The following GRM3 variants were observed in gnomAD, a reference collection of about 807,000 sequenced individuals.
The protein encoded by GRM3 is glutamate metabotropic receptor 3.
GRM3 carries 26 observed loss-of-function variants against 70.5 expected under a neutral mutation model. The ratio of observed to expected loss-of-function variants is 0.37; its 90% CI spans 0.27 to 0.51. GRM3 has a LOEUF of 0.51. Among genes scored for constraint, GRM3 ranks in the 20% least tolerant of loss-of-function variants. The pLI, the probability that GRM3 is intolerant of heterozygous loss-of-function variation, is 0.93. For synonymous variants in GRM3, 443 were observed against 434.9 expected (o/e 1.02, Z -0.23); for missense variants, 859 against 1,123.8 (o/e 0.76, Z 3.37).
intron 3 of GRM3, among the ~76,000 whole-genome samples, chr7:86,820,167 G>A (rs970530693): frequency 6.6e-6 from 1 of 152,136 alleles, no homozygotes; most frequent in Admixed American, 6.6e-5. Flanking sequence ...AAGGCATCTG[G>A]CTCATAGCAT....
chr7:86,785,685 A>ATTTTTTTTTTTTTTTT lies in GRM3; in HGVS notation c.469-558_469-543dup, dbSNP rs749456155. 2.3e-4 allele frequency among the ~76,000 whole-genome samples: 15 copies of ATTTTTTTTTTTTTTTT among 65,230 alleles called. 1 individual carries two copies. Among genetic ancestry groups the ATTTTTTTTTTTTTTTT allele is most frequent in the Non-Finnish European group, 3.2e-4 (11 of 34,856 alleles). 42.8% of individuals were successfully genotyped at this position (65,230 alleles called of 152,430 possible). ...TTGGGTGGTGGACTAAATAGAATTG[A>ATTTTTTTTTTTTTTTT]TTTTTTTTTTTTTTTTTTTTTTTTT... is the stretch of plus-strand genomic sequence containing the variant. On this transcript the variant is annotated intron_variant, in intron 2 of 5. Coordinates refer to ENST00000361669, the MANE Select transcript of GRM3 (RefSeq NM_000840.3).
At chr7:86,753,210 T>C (rs1271022067) in intron 1 of GRM3, among the ~76,000 whole-genome samples, 3 of 152,136 alleles carry the variant, frequency 2.0e-5, no homozygotes, top group African/African-American at 7.2e-5. Flanking sequence ...GAGTCATTGA[T>C]AAATTATCCT....
rs150769156 is a variant in GRM3 at position 86,745,054 on chromosome 7, C to A, written c.-140-19952C>A. 5.1e-3 allele frequency among the ~76,000 whole-genome samples: 773 copies of A among 152,198 alleles called. 4 individuals carry two copies. Among genetic ancestry groups the A allele is most frequent in the Non-Finnish European group, 7.7e-3 (524 of 68,000 alleles). ...GATGTGGAACAAAGTTGGGCTTTCACATTTACATATGTTACCTTACGGAAA... is the reference window on the plus strand; with the variant it reads ...GATGTGGAACAAAGTTGGGCTTTCAAATTTACATATGTTACCTTACGGAAA... On this transcript the variant is annotated intron_variant, in intron 1 of 5. Coordinates refer to ENST00000361669, the MANE Select transcript of GRM3 (RefSeq NM_000840.3).
intron 1 of GRM3, among the ~76,000 whole-genome samples, chr7:86,672,522 C>G (rs7790582): frequency 6.6e-6 from 1 of 152,080 alleles, no homozygotes; most frequent in Admixed American, 6.6e-5. Context: ...CTATAGTTTT[C>G]TAGATTTAGC....
intron 4 of GRM3, among the ~76,000 whole-genome samples, chr7:86,842,637 A>T (rs1183194895): frequency 6.6e-6 from 1 of 152,202 alleles, no homozygotes; most frequent in African/African-American, 2.4e-5. Context: ...AGCTGAAAAA[A>T]TTTTGAGCAT....
intron 2 of GRM3, among the ~76,000 whole-genome samples, chr7:86,769,571 CTAAAGGAT>C (rs1796687704): frequency 1.3e-5 from 2 of 152,222 alleles, no homozygotes; most frequent in South Asian, 4.1e-4. Context: ...TATCTTCCCA[CTAAAGGAT>C]AGAAACTTTT....
At chr7:86,714,789 C>T (rs1221636763) in intron 1 of GRM3, among the ~76,000 whole-genome samples, 1 of 151,974 alleles carries the variant, frequency 6.6e-6, no homozygotes, top group Admixed American at 6.6e-5. Flanking sequence ...TACAGGCATT[C>T]ATTCATTTAT....
At chr7:86,663,344 T>C (rs749386276) in intron 1 of GRM3, among the ~76,000 whole-genome samples, 9 of 151,942 alleles carry the variant, frequency 5.9e-5, no homozygotes, top group Non-Finnish European at 1.2e-4. Flanking sequence ...GCAAGTTAGA[T>C]AAGAAAATTG....
intron 1 of GRM3, among the ~76,000 whole-genome samples, chr7:86,695,837 T>A (rs1297423972): frequency 6.6e-6 from 1 of 152,118 alleles, no homozygotes; most frequent in Non-Finnish European, 1.5e-5. Context: ...ATTTAGACAA[T>A]GATGGTGCTT....
At chr7:86,664,700 G>A (rs1222476661) in intron 1 of GRM3, among the ~76,000 whole-genome samples, 2 of 151,910 alleles carry the variant, frequency 1.3e-5, no homozygotes, top group African/African-American at 4.8e-5. Context: ...CACAAGGCTG[G>A]TGCAAGCAGA....
chr7:86,734,196 T>A (rs1795803751), intron 1 of GRM3, among the ~76,000 whole-genome samples: 1 of 152,222 alleles, frequency 6.6e-6, no homozygotes, highest in Non-Finnish European at 1.5e-5. Context: ...TTTCTTCTAC[T>A]TCTAACTGTC....
rs572525210 is a variant in GRM3 at position 86,794,772 on chromosome 7, A to G, written c.1324+7656A>G. Among the ~76,000 whole-genome samples, 6 of 152,252 alleles carry G rather than the reference A, an allele frequency of 3.9e-5. No individual in the cohort carries two copies. In the South Asian group the frequency reaches 1.2e-3, roughly 32 times the overall value. ...CACTCCAAACTATGATAATCAAAGG[A>G]TTCATTCCACTGTCTAAAGTATATT... On this transcript the variant is annotated intron_variant, in intron 3 of 5. Coordinates refer to ENST00000361669, the MANE Select transcript of GRM3 (RefSeq NM_000840.3).
At chr7:86,652,096 C>T (rs1191139731) in intron 1 of GRM3, among the ~76,000 whole-genome samples, 2 of 152,138 alleles carry the variant, frequency 1.3e-5, no homozygotes, top group East Asian at 1.9e-4. Flanking sequence ...CTAAGACAAG[C>T]CCTTCCTTGG....
At position 86,672,841 on chromosome 7, in the gene GRM3, T is replaced by C. The variant is rs114811407; in HGVS notation, c.-141+27969T>C. Reference sequence around the variant, plus strand: ...TGCTTTTCTCTGACTTTGCTAAAAATGCACAAAAGCATCCCCTCCCCTCTC... The same window carrying C: ...TGCTTTTCTCTGACTTTGCTAAAAACGCACAAAAGCATCCCCTCCCCTCTC... On this transcript the variant is annotated intron_variant, in intron 1 of 5. Transcript: ENST00000361669. Among the ~76,000 whole-genome samples, 1,241 of 152,248 alleles carry C rather than the reference T, an allele frequency of 8.2e-3. 17 individuals are homozygous for C. The highest frequency in any genetic ancestry group is 0.029 in the African/African-American group (1,191 of 41,542).
intron 1 of GRM3, among the ~76,000 whole-genome samples, chr7:86,655,888 C>G (rs902999123): frequency 6.6e-6 from 1 of 151,408 alleles, no homozygotes; most frequent in Non-Finnish European, 1.5e-5. Flanking sequence ...GTTTACTTCT[C>G]TCACTATTGC....
In GRM3 at chr7:86,644,369, C is replaced by T. The variant is rs181649105; in HGVS notation, c.-644C>T. The T allele has an allele frequency of 4.9e-4, 145 of 294,068 alleles. 1 individual carries two copies. In the Middle Eastern group the frequency reaches 7.4e-3, roughly 15 times the overall value. 18.2% of individuals were successfully genotyped at this position (294,068 alleles called of 1,614,324 possible). A position where few individuals can be genotyped will look rare whatever the true frequency, so the allele number is the denominator to read the frequency against. The stretch of plus-strand genomic sequence containing the variant: ...GAAAAGGAGAGGATGCCAGGAGGTC[C>T]GTGCTTCTGCCAAGAGTCCCAATTA... On this transcript the variant is annotated 5_prime_UTR_variant, in exon 1 of 6. Transcript: ENST00000361669.
chr7:86,778,709 G>C (rs962972466), intron 2 of GRM3, among the ~76,000 whole-genome samples: 1 of 151,984 alleles, frequency 6.6e-6, no homozygotes, highest in African/African-American at 2.4e-5. Flanking sequence ...CACAACATGT[G>C]ATAAATCAAC....
chr7:86,792,249 T>C (rs1160199165), intron 3 of GRM3, among the ~76,000 whole-genome samples: 3 of 152,204 alleles, frequency 2.0e-5, no homozygotes, highest in African/African-American at 7.2e-5. Context: ...AGCTTGCCCC[T>C]ACTTCTCACT....
At chr7:86,831,897 G>A (rs528570773) in intron 3 of GRM3, among the ~76,000 whole-genome samples, 44 of 151,496 alleles carry the variant, frequency 2.9e-4, no homozygotes, top group Non-Finnish European at 5.4e-4. Context: ...ACGTAAGACT[G>A]AGTACTGAAG....
Sources: gnomAD v4.1 joint callset for allele counts (sites outside exome capture counted in the v4.1 genomes callset) on GRCh38, gnomAD v4.1.1 for gene constraint, MANE v1.5 for transcripts, NCBI Gene and HGNC (gene_info 2026-07-23, HGNC 2026-07-21) for gene names.